The following LRRC27 variants were observed in gnomAD, a reference collection of about 807,000 sequenced individuals.
LRRC27 encodes leucine rich repeat containing 27.
In LRRC27, 57 loss-of-function variants were observed where a neutral mutation model predicts 55.0. That is an observed-to-expected ratio of 1.04 (90% CI 0.84 to 1.29). The LOEUF is 1.29. Ranked by LOEUF, LRRC27 falls within the 50% of genes most tolerant of loss-of-function variation. LRRC27 has a pLI of 0.00. For synonymous variants in LRRC27, 278 were observed against 251.9 expected (o/e 1.10, Z -0.98); for missense variants, 721 against 651.5 (o/e 1.11, Z -1.16).
At position 132,380,757 on chromosome 10, in the gene LRRC27, G is replaced by A. The variant is rs1043460989; in HGVS notation, c.*5515G>A. 3.3e-5 allele frequency among the ~76,000 whole-genome samples: 5 copies of A among 152,224 alleles called. No homozygotes were observed. The highest frequency in any genetic ancestry group is 7.3e-5 in the Non-Finnish European group (5 of 68,050). Reference sequence around the variant, plus strand: ...CTTTGGGACCCATAGAGTGCCACCAGTCATGCCAAAGAGCTCCTGAGAAGC... The same window carrying A: ...CTTTGGGACCCATAGAGTGCCACCAATCATGCCAAAGAGCTCCTGAGAAGC... On this transcript the variant is annotated 3_prime_UTR_variant, in exon 11 of 11. Coordinates refer to ENST00000368614, the MANE Select transcript of LRRC27 (RefSeq NM_030626.3).
chr10:132,350,399 C>T (rs2067947727), intron 6 of LRRC27: 1 of 152,320 alleles, frequency 6.6e-6, no homozygotes, highest in Admixed American at 6.5e-5. Flanking sequence ...CCTGGTGTTC[C>T]ATAGAGCCTG....
chr10:132,349,401 C>T (rs1590653547), intron 6 of LRRC27, among the ~76,000 whole-genome samples: 1 of 152,144 alleles, frequency 6.6e-6, no homozygotes, highest in Non-Finnish European at 1.5e-5. Flanking sequence ...CAAAACAAAC[C>T]TTGGAAGCAT....
intron 9 of LRRC27, among the ~76,000 whole-genome samples, chr10:132,364,194 A>C (rs1219153350): frequency 6.6e-6 from 1 of 151,964 alleles, no homozygotes; most frequent in Non-Finnish European, 1.5e-5. Flanking sequence ...AGTTACTCTG[A>C]AAAGCAAGCA....
intron 4 of LRRC27, among the ~76,000 whole-genome samples, chr10:132,343,352 AAAAG>A (rs1237417281): frequency 6.6e-6 from 1 of 152,200 alleles, no homozygotes; most frequent in Non-Finnish European, 1.5e-5. Context: ...AAACAAAAAT[AAAAG>A]AACAGTTAGG....
intron 10 of LRRC27, among the ~76,000 whole-genome samples, chr10:132,373,618 T>A (rs1273125624): frequency 6.6e-6 from 1 of 152,206 alleles, no homozygotes; most frequent in Non-Finnish European, 1.5e-5. Context: ...CTCAAAATGC[T>A]GCTTCCCATC....
rs566846180 is a variant in LRRC27 at position 132,374,414 on chromosome 10, G to T, written c.1417-652G>T. On this transcript the variant is annotated intron_variant, in intron 10 of 10. Coordinates refer to ENST00000368614, the MANE Select transcript of LRRC27 (RefSeq NM_030626.3). This position sits in a 1 kb window ranked among gnomAD's most constrained non-coding sequence, Gnocchi z 4.4. ...AGGGCCTGAGGGGCAGGAACGGGAA[G>T]ATCCCCTCCTCAGTTTATCCACCTG... 2.0e-5 allele frequency among the ~76,000 whole-genome samples: 3 copies of T among 152,148 alleles called. No individual in the cohort carries two copies. Among genetic ancestry groups the T allele is most frequent in the Non-Finnish European group, 4.4e-5 (3 of 68,012 alleles).
At chr10:132,332,729 AC>A (rs372512002) in intron 1 of LRRC27, among the ~76,000 whole-genome samples, 1 of 147,244 alleles carries the variant, frequency 6.8e-6, no homozygotes, top group Non-Finnish European at 1.5e-5. Context: ...TGTCGCCTCT[AC>A]CCCCCAATTA....
Position 132,333,617 on chromosome 10 carries a change from C to T in LRRC27, c.93C>T (p.Pro31=). Reference sequence around the variant, plus strand: ...AGACTAGGAGCTTGCCTGCCACCCCCTCCAAAGATGTTCACAAGGGTGTTG... The same window carrying T: ...AGACTAGGAGCTTGCCTGCCACCCCTTCCAAAGATGTTCACAAGGGTGTTG... ...AGQTRSLPAT[P]SKDVHKGVGG... is the part of the protein sequence containing the mutation. The change falls in exon 2 of 11, where the codon CCC becomes CCT. Residue 31 remains proline, a synonymous_variant. Transcript: ENST00000368614. The T allele has an allele frequency of 6.2e-7, 1 of 1,613,062 alleles. No homozygotes were observed. The highest frequency in any genetic ancestry group is 8.5e-7 in the Non-Finnish European group (1 of 1,180,020).
chr10:132,365,239 G>C (rs1370826156), intron 9 of LRRC27, among the ~76,000 whole-genome samples, 185 bp from the exon 10 acceptor site: 1 of 152,258 alleles, frequency 6.6e-6, no homozygotes, highest in Non-Finnish European at 1.5e-5. Context: ...CGTGAGTCTG[G>C]AGGAGAGTGG....
intron 6 of LRRC27, 120 bp from the exon 7 acceptor site, chr10:132,351,487 G>A (rs2068006774): frequency 2.7e-6 from 3 of 1,114,938 alleles, no homozygotes; most frequent in African/African-American, 1.6e-5. Flanking sequence ...GCTTCTAGTC[G>A]TGCTAATTGT....
rs567491626 is a variant in LRRC27, at chr10:132,351,747, A to C, written c.1067A>C (p.Gln356Pro). ...LQEKQALMEQQRREKRALQEW... is the reference protein window; with the variant it reads ...LQEKQALMEQPRREKRALQEW... ...GAGAAGCAGGCTCTGATGGAGCAGC[A>C]GAGACGGTGAGTCCACACAGGGTGG... Residue 356 changes from glutamine to proline, a missense_variant, in exon 7 of 11, where the codon CAG becomes CCG. Gln to Pro is a moderately conservative substitution (Grantham distance 76). Transcript: ENST00000368614. The C allele has an allele frequency of 1.2e-6, 2 of 1,611,854 alleles. No individual in the cohort carries two copies. Among genetic ancestry groups the C allele is most frequent in the South Asian group, 2.2e-5 (2 of 91,008 alleles).
rs914313182 is a variant in LRRC27 at position 132,359,567 on chromosome 10, C to T, written c.1171-1890C>T. 2.0e-5 allele frequency among the ~76,000 whole-genome samples: 3 copies of T among 152,364 alleles called. No individual in the cohort carries two copies. The East Asian group carries it at 5.8e-4, about 29-fold the overall frequency. On this transcript the variant is annotated intron_variant, in intron 8 of 10. Coordinates refer to ENST00000368614, the MANE Select transcript of LRRC27 (RefSeq NM_030626.3). ...GCTGGGCGGGCCTGGGGAATCATGG[C>T]CGCTGGCTTTGCAGCCTGGTCCTGG...
At chr10:132,332,737 A>G (rs776452450) in intron 1 of LRRC27, among the ~76,000 whole-genome samples, 6 of 146,920 alleles carry the variant, frequency 4.1e-5, no homozygotes, top group Non-Finnish European at 6.2e-5. Context: ...CTACCCCCCA[A>G]TTAACTGCGC....
rs569593505 is a variant in LRRC27, at chr10:132,374,086, T to C, written c.1417-980T>C. Among the ~76,000 whole-genome samples the C allele has an allele frequency of 7.6e-6, 1 of 132,318 alleles. No individual in the cohort carries two copies. Among genetic ancestry groups the C allele is most frequent in the East Asian group, 2.1e-4 (1 of 4,856 alleles). The allele number at this position is 132,318 out of a possible 152,430, so 86.8% of individuals were successfully genotyped here. A position where few individuals can be genotyped will look rare whatever the true frequency, so the allele number is the denominator to read the frequency against. On this transcript the variant is annotated intron_variant, in intron 10 of 10. Transcript: ENST00000368614. This position sits in a 1 kb window ranked among gnomAD's most constrained non-coding sequence, Gnocchi z 4.4. Reference sequence around the variant, plus strand: ...GGGTCTCCGGGGACCTGTTGTGATATGGCTGCATGGTGAGGGGGTGCAGTG... The same window carrying C: ...GGGTCTCCGGGGACCTGTTGTGATACGGCTGCATGGTGAGGGGGTGCAGTG...
upstream of LRRC27, chr10:132,331,789 G>C: frequency 6.2e-7 from 1 of 1,605,474 alleles, no homozygotes; most frequent in Non-Finnish European, 8.5e-7. Flanking sequence ...CCAGACCCTC[G>C]CGGTCTCTAC....
chr10:132,365,294 G>T (rs1398953431), intron 9 of LRRC27, 130 bp from the exon 10 acceptor site: 1 of 1,258,928 alleles, frequency 7.9e-7, no homozygotes, highest in Non-Finnish European at 1.1e-6. Flanking sequence ...TGGCACAGCT[G>T]TGCGGGAGCC....
Position 132,375,467 on chromosome 10 carries a change from C to T in LRRC27, c.*225C>T. The T allele has an allele frequency of 6.6e-6, 3 of 454,056 alleles. No homozygotes were observed. Among genetic ancestry groups the T allele is most frequent in the South Asian group, 3.4e-5 (1 of 29,792 alleles). 28.1% of individuals were successfully genotyped at this position (454,056 alleles called of 1,614,324 possible). Reference sequence around the variant, plus strand: ...AGAAAGGACACTGTGAGCACGTGGTCTCGCCTTCCCTTCTTCCTGCAGGTT... The same window carrying T: ...AGAAAGGACACTGTGAGCACGTGGTTTCGCCTTCCCTTCTTCCTGCAGGTT... On this transcript the variant is annotated 3_prime_UTR_variant, in exon 11 of 11. Coordinates refer to ENST00000368614, the MANE Select transcript of LRRC27 (RefSeq NM_030626.3).
At chr10:132,331,929 A>T, upstream of LRRC27, 1 of 511,064 alleles carries the variant, frequency 2.0e-6, no homozygotes, top group Non-Finnish European at 2.9e-6. Context: ...CCCCCACCGC[A>T]AGCGCAACCC....
intron 5 of LRRC27, among the ~76,000 whole-genome samples, chr10:132,346,822 G>A (rs59238311): frequency 0.24 from 37,058 of 152,000 alleles, 5,795 homozygotes; most frequent in East Asian, 0.48. Flanking sequence ...TACCCCAGGG[G>A]GAATTTTACA....
Sources: gnomAD v4.1 joint callset for allele counts (sites outside exome capture counted in the v4.1 genomes callset) on GRCh38, gnomAD v4.1.1 for gene constraint, Gnocchi (gnomAD v3.1) non-coding constraint, MANE v1.5 for transcripts, NCBI Gene and HGNC (gene_info 2026-07-23, HGNC 2026-07-21) for gene names.